The following SRGAP2 variants were observed in gnomAD, a reference collection of about 807,000 sequenced individuals.
SRGAP2 encodes SLIT-ROBO Rho GTPase-activating protein 2.
SRGAP2 carries 15 observed loss-of-function variants against 57.2 expected under a neutral mutation model. That is an observed-to-expected ratio of 0.26 (90% CI 0.18 to 0.40). SRGAP2 has a LOEUF of 0.40. SRGAP2 is among the 10% of genes least tolerant of loss of function. The probability of loss-of-function intolerance (pLI) is 1.00; values close to 1 mark genes in which losing one functional copy is unlikely to be tolerated. For missense variants in SRGAP2, 520 were observed against 669.6 expected (o/e 0.78, Z 2.47); for synonymous variants, 249 against 248.0 (o/e 1.00, Z -0.04).
chr1:206,454,871 C>G lies in SRGAP2; in HGVS notation c.2361-7C>G. ...TCCTCCCTGCCTGCCTGCCCCTTCT[C>G]CCCCAGCGAGGACGGTGTCGTGGAG... is the stretch of plus-strand genomic sequence containing the variant. On this transcript the variant is annotated splice_region_variant and splice_polypyrimidine_tract_variant and intron_variant, in intron 20 of 22. Transcript: ENST00000573034. The surrounding 1 kb of genome is among the most constrained non-coding windows in gnomAD (Gnocchi z 4.3). The G allele has an allele frequency of 2.7e-6, 2 of 752,534 alleles. No homozygotes were observed. The highest frequency in any genetic ancestry group is 5.0e-6 in the Non-Finnish European group (2 of 402,584). The allele number at this position is 752,534 out of a possible 1,614,324, so 46.6% of individuals were successfully genotyped here.
In SRGAP2 at chr1:206,295,264, C is replaced by T. The variant is rs1558283509; in HGVS notation, c.68-8017C>T. ...TTTGAGATGGAGTCTCTCCCTGTCG[C>T]CCAGGCTGGAGTGCAATGGTGTGAT... On this transcript the variant is annotated intron_variant, in intron 2 of 22. Coordinates refer to ENST00000573034, the MANE Select transcript of SRGAP2 (RefSeq NM_015326.5). Among the ~76,000 whole-genome samples the T allele has an allele frequency of 2.6e-5, 4 of 152,190 alleles. No individual in the cohort carries two copies. In the East Asian group the frequency reaches 7.7e-4, roughly 29 times the overall value.
chr1:206,373,741 AAGAG>A (rs1217653053), intron 4 of SRGAP2, among the ~76,000 whole-genome samples: 1 of 92,988 alleles, frequency 1.1e-5, no homozygotes, highest in East Asian at 3.1e-4. Context: ...CTCAAAAAAG[AAGAG>A]AGAGAGACAT....
At chr1:206,404,521 A>T (rs1658512974) in intron 8 of SRGAP2, among the ~76,000 whole-genome samples, 1 of 149,488 alleles carries the variant, frequency 6.7e-6, no homozygotes, top group African/African-American at 2.4e-5. Context: ...GGGACTGTGG[A>T]TGACCTCATC....
rs781912077 is a variant in SRGAP2, at chr1:206,357,582, CTT to C, written c.423+14595_423+14596del. On this transcript the variant is annotated intron_variant, in intron 4 of 22. Transcript: ENST00000573034. ...CCTTATGGTTCTTTGGCTATGTTGTCTTTTTTTTTTTTTTTTTTTTTTGGAGA... is the reference window on the plus strand; with the variant it reads ...CCTTATGGTTCTTTGGCTATGTTGTCTTTTTTTTTTTTTTTTTTTTGGAGA... Among the ~76,000 whole-genome samples the C allele has an allele frequency of 2.8e-3, 217 of 78,050 alleles. 1 individual carries two copies. The highest frequency in any genetic ancestry group is 0.011 in the African/African-American group (200 of 18,110). 51.2% of individuals were successfully genotyped at this position (78,050 alleles called of 152,430 possible). A position where few individuals can be genotyped will look rare whatever the true frequency, so the allele number is the denominator to read the frequency against.
In SRGAP2 at chr1:206,228,822, G is replaced by T. The variant is rs1450693718; in HGVS notation, c.67+22785G>T. On this transcript the variant is annotated intron_variant, in intron 2 of 22. Coordinates refer to ENST00000573034, the MANE Select transcript of SRGAP2 (RefSeq NM_015326.5). ...TCCCTAGCAGGGTAATTCCATCAGC[G>T]CTTTAAAAAAAAAAAAAAAAAGATT... Among the ~76,000 whole-genome samples, 4 of 136,252 alleles carry T rather than the reference G, an allele frequency of 2.9e-5. No individual in the cohort carries two copies. The South Asian group carries it at 8.7e-4, about 29-fold the overall frequency. The allele number at this position is 136,252 out of a possible 152,430, so 89.4% of individuals were successfully genotyped here.
chr1:206,418,744 A>G (rs1222147524), intron 11 of SRGAP2, among the ~76,000 whole-genome samples: 1 of 152,200 alleles, frequency 6.6e-6, no homozygotes, highest in East Asian at 1.9e-4. Flanking sequence ...TGCTAGCAGT[A>G]TCAACATTGT....
At chr1:206,430,278 G>T in intron 14 of SRGAP2, 56 bp downstream of exon 14, 1 of 778,646 alleles carries the variant, frequency 1.3e-6, no homozygotes, top group Admixed American at 1.7e-5. Flanking sequence ...AGAACTTCCA[G>T]GAATTCTTTG....
intron 11 of SRGAP2, among the ~76,000 whole-genome samples, chr1:206,418,378 AC>A (rs1558410451): frequency 6.6e-6 from 1 of 152,218 alleles, no homozygotes; most frequent in East Asian, 1.9e-4. Context: ...ACAATTACCA[AC>A]CTTTAAAGGC....
chr1:206,225,746 GC>G (rs1296831217), intron 2 of SRGAP2, among the ~76,000 whole-genome samples: 1 of 152,116 alleles, frequency 6.6e-6, no homozygotes, highest in Non-Finnish European at 1.5e-5. Flanking sequence ...CCTTGAAGGG[GC>G]TTCGTGTTTG....
chr1:206,424,379 C>G (rs781985886), intron 13 of SRGAP2, among the ~76,000 whole-genome samples: 1 of 152,048 alleles, frequency 6.6e-6, no homozygotes, highest in Non-Finnish European at 1.5e-5. Flanking sequence ...AGACACTGCT[C>G]AGTCAGTGCT....
At chr1:206,284,939 A>G (rs1282500909) in intron 2 of SRGAP2, among the ~76,000 whole-genome samples, 2 of 152,216 alleles carry the variant, frequency 1.3e-5, no homozygotes, top group African/African-American at 4.8e-5. Flanking sequence ...CTCACTTGAT[A>G]TATCTGAGGT....
intron 2 of SRGAP2, chr1:206,214,973 G>A (rs1204711020): frequency 4.0e-5 from 6 of 151,132 alleles, no homozygotes; most frequent in African/African-American, 1.2e-4. Context: ...CTTATGTTTG[G>A]AATATTTGTA....
chr1:206,454,843 C>T lies in SRGAP2; in HGVS notation c.2361-35C>T, dbSNP rs1553377756. The T allele has an allele frequency of 2.8e-6, 2 of 722,690 alleles. No homozygotes were observed. The highest frequency in any genetic ancestry group is 3.1e-5 in the South Asian group (2 of 64,566). The allele number at this position is 722,690 out of a possible 1,614,324, so 44.8% of individuals were successfully genotyped here. ...CTGCTTTTTGTGTTGTTGTTGTTTT[C>T]CCTCCTCCCTGCCTGCCTGCCCCTT... On this transcript the variant is annotated intron_variant, in intron 20 of 22. Coordinates refer to ENST00000573034, the MANE Select transcript of SRGAP2 (RefSeq NM_015326.5). This position sits in a 1 kb window ranked among gnomAD's most constrained non-coding sequence, Gnocchi z 4.3.
chr1:206,319,410 C>CA (rs1298744826), intron 3 of SRGAP2, among the ~76,000 whole-genome samples: 61 of 148,448 alleles, frequency 4.1e-4, no homozygotes, highest in African/African-American at 9.5e-4. Context: ...GACTCCGTCT[C>CA]AAAAAAAAAC....
rs1259815443 is a variant in SRGAP2, at chr1:206,454,588, TGG to T, written c.2361-287_2361-286del. 1 of 426,936 alleles carries T rather than the reference TGG, an allele frequency of 2.3e-6. No individual in the cohort carries two copies. The highest frequency in any genetic ancestry group is 4.2e-6 in the Non-Finnish European group (1 of 240,634). The allele number at this position is 426,936 out of a possible 1,614,324, so 26.4% of individuals were successfully genotyped here. A position where few individuals can be genotyped will look rare whatever the true frequency, so the allele number is the denominator to read the frequency against. The stretch of plus-strand genomic sequence containing the variant: ...AGCACGGCCTCCCCAGGAAGCAGCA[TGG>T]GGTAGAAGGCAGATGCCTCGAATCC... On this transcript the variant is annotated intron_variant, in intron 20 of 22. Transcript: ENST00000573034. This position sits in a 1 kb window ranked among gnomAD's most constrained non-coding sequence, Gnocchi z 4.3.
At chr1:206,239,807 G>A (rs1668099982) in intron 2 of SRGAP2, among the ~76,000 whole-genome samples, 1 of 151,618 alleles carries the variant, frequency 6.6e-6, no homozygotes, top group Admixed American at 6.6e-5. Context: ...AGTTTATGCT[G>A]CTGTGTGGCC....
At chr1:206,456,968 G>C (rs1264045955) in intron 21 of SRGAP2, among the ~76,000 whole-genome samples, 1 of 152,116 alleles carries the variant, frequency 6.6e-6, no homozygotes, top group Non-Finnish European at 1.5e-5. Flanking sequence ...TGACATCCCT[G>C]ACTTCCCCAG....
chr1:206,438,240 C>T (rs1661951129), intron 16 of SRGAP2, 142 bp downstream of exon 16: 14 of 615,134 alleles, frequency 2.3e-5, no homozygotes, highest in Non-Finnish European at 4.1e-5. Context: ...TCCTCAGCCT[C>T]ACTCCTTCAT....
At chr1:206,331,886 G>A (rs1169031912) in intron 3 of SRGAP2, among the ~76,000 whole-genome samples, 1 of 58,682 alleles carries the variant, frequency 1.7e-5, no homozygotes, top group Non-Finnish European at 3.1e-5. Flanking sequence ...GTTAGTTGAT[G>A]CAGTTTCTTC....
Sources: gnomAD v4.1 joint callset for allele counts (sites outside exome capture counted in the v4.1 genomes callset) on GRCh38, gnomAD v4.1.1 for gene constraint, Gnocchi (gnomAD v3.1) non-coding constraint, MANE v1.5 for transcripts, NCBI Gene and HGNC (gene_info 2026-07-23, HGNC 2026-07-21) for gene names.